The following CLASP1 variants were observed in gnomAD, a reference collection of about 807,000 sequenced individuals.
CLASP1 encodes the protein CLIP-associating protein 1.
Under a neutral mutation model 192.3 loss-of-function variants are expected in CLASP1, and 38 were observed. That is an observed-to-expected ratio of 0.20 (90% CI 0.15 to 0.26). The LOEUF is 0.26. Among genes scored for constraint, CLASP1 ranks in the 10% least tolerant of loss-of-function variants. CLASP1 has a pLI of 1.00. For missense variants in CLASP1, 1,433 were observed against 1,932.5 expected, an observed-to-expected ratio of 0.74 and a Z score of 4.85; for synonymous variants, 691 against 712.8, an observed-to-expected ratio of 0.97 and a Z score of 0.49.
intron 8 of CLASP1, among the ~76,000 whole-genome samples, chr2:121,477,623 C>G (rs72969338): frequency 1.3e-5 from 2 of 152,052 alleles, no homozygotes; most frequent in African/African-American, 4.8e-5. Context: ...CTTTTTTGCA[C>G]GCCAATATTT....
At chr2:121,362,574 A>G (rs1268610830) in intron 37 of CLASP1, among the ~76,000 whole-genome samples, 1 of 152,250 alleles carries the variant, frequency 6.6e-6, no homozygotes, top group East Asian at 1.9e-4. Context: ...TGCAGAGAGA[A>G]GCACACTGAA....
intron 2 of CLASP1, among the ~76,000 whole-genome samples, chr2:121,582,654 A>C (rs1040614448): frequency 6.6e-6 from 1 of 151,872 alleles, no homozygotes; most frequent in African/African-American, 2.4e-5. Flanking sequence ...AGAGGGAGAG[A>C]GAGGGAGAAA....
At chr2:121,617,848 T>A (rs1559785147) in intron 1 of CLASP1, among the ~76,000 whole-genome samples, 1 of 152,140 alleles carries the variant, frequency 6.6e-6, no homozygotes, top group Admixed American at 6.5e-5. Context: ...AACTGATGTC[T>A]CCCAAATTTG....
intron 36 of CLASP1, 88 bp downstream of exon 37, chr2:121,365,006 G>A (rs2067109351): frequency 8.1e-7 from 1 of 1,227,812 alleles, no homozygotes; most frequent in East Asian, 2.4e-5. Context: ...AACCCAGAAA[G>A]TAAAGCTGAA....
At chr2:121,641,001 C>T (rs2071951499) in intron 1 of CLASP1, among the ~76,000 whole-genome samples, 1 of 152,186 alleles carries the variant, frequency 6.6e-6, no homozygotes, top group Non-Finnish European at 1.5e-5. Flanking sequence ...TGGGAGAACA[C>T]TATGACTTAC....
intron 9 of CLASP1, among the ~76,000 whole-genome samples, chr2:121,463,639 G>C (rs936988595): frequency 2.8e-4 from 43 of 152,116 alleles, no homozygotes; most frequent in African/African-American, 1.0e-3. Flanking sequence ...GCCAACAACA[G>C]TCCCTGAGCC....
chr2:121,522,878 C>T (rs185497020), intron 6 of CLASP1, among the ~76,000 whole-genome samples: 1 of 152,304 alleles, frequency 6.6e-6, no homozygotes, highest in Non-Finnish European at 1.5e-5. Flanking sequence ...CTCAGAAACC[C>T]ACTGGCACAT....
intron 8 of CLASP1, among the ~76,000 whole-genome samples, chr2:121,478,814 C>T (rs2092134232): frequency 1.3e-5 from 1 of 79,826 alleles, no homozygotes; most frequent in Non-Finnish European, 2.5e-5. Context: ...ACACACACCC[C>T]ACACACAACC....
intron 2 of CLASP1, among the ~76,000 whole-genome samples, chr2:121,566,241 C>A (rs2059490879): frequency 6.6e-6 from 1 of 152,182 alleles, no homozygotes. Context: ...GACCACAGGC[C>A]AGACCTCAAG....
At chr2:121,575,315 C>A (rs989277445) in intron 2 of CLASP1, among the ~76,000 whole-genome samples, 1 of 152,036 alleles carries the variant, frequency 6.6e-6, no homozygotes, top group Non-Finnish European at 1.5e-5. Flanking sequence ...CCGTGTTGGC[C>A]AGGCTGGTCT....
At chr2:121,396,712 C>T (rs572745921) in intron 30 of CLASP1, among the ~76,000 whole-genome samples, 177 of 152,318 alleles carry the variant, frequency 1.2e-3, no homozygotes, top group African/African-American at 4.1e-3. Flanking sequence ...TTATGTGCTA[C>T]GTATTGAAAG....
intron 9 of CLASP1, among the ~76,000 whole-genome samples, chr2:121,467,606 C>T (rs761075340): frequency 3.0e-4 from 45 of 152,098 alleles, no homozygotes; most frequent in Non-Finnish European, 6.2e-4. Context: ...ATCCTCTTTT[C>T]GTAACTGTCT....
chr2:121,476,904 T>C (rs2091692787), intron 8 of CLASP1, among the ~76,000 whole-genome samples: 1 of 152,192 alleles, frequency 6.6e-6, no homozygotes, highest in African/African-American at 2.4e-5. Flanking sequence ...TTTTCATAAA[T>C]ATCCCAAAAT....
intron 26 of CLASP1, among the ~76,000 whole-genome samples, chr2:121,402,438 C>A (rs1273342032): frequency 6.6e-6 from 1 of 152,160 alleles, no homozygotes; most frequent in Admixed American, 6.5e-5. Flanking sequence ...TTGGACAAAC[C>A]ACAAACCCTA....
intron 22 of CLASP1, among the ~76,000 whole-genome samples, chr2:121,419,485 ACT>A (rs2079135672): frequency 6.6e-6 from 1 of 152,186 alleles, no homozygotes; most frequent in African/African-American, 2.4e-5. Context: ...AGTCTTTCAC[ACT>A]GTGTCTAGAG....
chr2:121,582,245 G>A lies in CLASP1; in HGVS notation c.195+23456C>T, dbSNP rs969865443. Among the ~76,000 whole-genome samples the A allele has an allele frequency of 3.5e-4, 53 of 149,816 alleles. 1 individual carries two copies. The highest frequency in any genetic ancestry group is 3.4e-3 in the Admixed American group (51 of 14,928). ...GTGAGGGAGCAGAGGGAGGGAAGGAGGACAGGACAGGACAGAACAGGACAG... is the reference window on the plus strand; with the variant it reads ...GTGAGGGAGCAGAGGGAGGGAAGGAAGACAGGACAGGACAGAACAGGACAG... On this transcript the variant is annotated intron_variant, in intron 2 of 39. Coordinates refer to ENST00000263710, the Ensembl canonical transcript of CLASP1.
intron 13 of CLASP1, 38 bp downstream of exon 13, chr2:121,458,802 C>A: frequency 6.8e-7 from 1 of 1,471,190 alleles, no homozygotes; most frequent in Non-Finnish European, 9.1e-7. Flanking sequence ...CAGTATTTAC[C>A]ACTTGCTTAT....
intron 2 of CLASP1, among the ~76,000 whole-genome samples, chr2:121,591,181 T>TA (rs11461092): frequency 0.19 from 29,112 of 152,084 alleles, 5,023 homozygotes; most frequent in African/African-American, 0.46. Flanking sequence ...ATTTGATTTT[T>TA]AAAAATTACT....
Position 121,581,363 on chromosome 2 carries a change from T to C in CLASP1, c.195+24338A>G, listed in dbSNP as rs940800026. On this transcript the variant is annotated intron_variant, in intron 2 of 39. Coordinates refer to ENST00000263710, the Ensembl canonical transcript of CLASP1. Reference sequence around the variant, plus strand: ...AATCTCGGCTCACTGCAAGCTCCGCTTCCCGGGTTCACGCCATTCTCCTGC... The same window carrying C: ...AATCTCGGCTCACTGCAAGCTCCGCCTCCCGGGTTCACGCCATTCTCCTGC... 9.2e-5 allele frequency among the ~76,000 whole-genome samples: 13 copies of C among 142,072 alleles called. No homozygotes were observed. The Middle Eastern group carries it at 0.012, about 126-fold the overall frequency. 93.2% of individuals were successfully genotyped at this position (142,072 alleles called of 152,430 possible).
Sources: allele counts gnomAD v4.1 joint callset (sites outside exome capture counted in the v4.1 genomes callset), GRCh38; gene constraint gnomAD v4.1.1; transcripts MANE v1.5; gene names NCBI Gene and HGNC (gene_info 2026-07-23, HGNC 2026-07-21).